Variants in IL22RA2 observed in about 807,000 individuals in gnomAD.
The protein encoded by IL22RA2 is interleukin 22 receptor subunit alpha 2.
Under a neutral mutation model 30.7 loss-of-function variants are expected in IL22RA2, and 39 were observed. The observed-to-expected ratio is 1.27, with a 90% CI of 0.98 to 1.66. The LOEUF is 1.66. Ranked by LOEUF, IL22RA2 falls within the 40% of genes most tolerant of loss-of-function variation. The pLI, the probability that IL22RA2 is intolerant of heterozygous loss-of-function variation, is 0.00. For synonymous variants in IL22RA2, 103 were observed against 105.0 expected (o/e 0.98, Z 0.11); for missense variants, 315 against 312.7 (o/e 1.01, Z -0.05).
chr6:137,146,001 G>C (rs1213920139), intron 6 of IL22RA2, among the ~76,000 whole-genome samples: 1 of 152,162 alleles, frequency 6.6e-6, no homozygotes, highest in East Asian at 1.9e-4. Context: ...CTGTTGGCTG[G>C]TTGACCCCAT....
chr6:137,155,216 A>T (rs1778379100), intron 4 of IL22RA2, 97 bp from the exon 5 acceptor site: 12 of 849,268 alleles, frequency 1.4e-5, no homozygotes, highest in Non-Finnish European at 1.8e-5. Context: ...TGATTCTAGT[A>T]GCAATACCAC....
At chr6:137,157,385 T>C (rs937599634) in intron 3 of IL22RA2, among the ~76,000 whole-genome samples, 11 of 152,154 alleles carry the variant, frequency 7.2e-5, no homozygotes, top group African/African-American at 2.7e-4. Context: ...GGAGAAACCT[T>C]CATTGTAAAG....
intron 5 of IL22RA2, among the ~76,000 whole-genome samples, chr6:137,149,469 G>A (rs1778243793): frequency 6.6e-6 from 1 of 152,112 alleles, no homozygotes; most frequent in Non-Finnish European, 1.5e-5. Context: ...GAAACTTAGA[G>A]GTCATCTTTG....
intron 5 of IL22RA2, among the ~76,000 whole-genome samples, chr6:137,150,333 A>G (rs993521602): frequency 6.6e-6 from 1 of 152,138 alleles, no homozygotes; most frequent in African/African-American, 2.4e-5. Context: ...GTGAGGAGGC[A>G]GCTGAGTGGG....
intron 2 of IL22RA2, among the ~76,000 whole-genome samples, chr6:137,160,824 A>G (rs1224057357): frequency 1.3e-5 from 2 of 152,334 alleles, no homozygotes; most frequent in East Asian, 1.9e-4. Context: ...TTTTGGTAGC[A>G]TTTGAATTCC....
At chr6:137,168,567 G>A (rs569264623) in intron 1 of IL22RA2, among the ~76,000 whole-genome samples, 1 of 152,288 alleles carries the variant, frequency 6.6e-6, no homozygotes, top group Non-Finnish European at 1.5e-5. Context: ...CATAATAGGA[G>A]AGTCCGAAAA....
intron 1 of IL22RA2, among the ~76,000 whole-genome samples, chr6:137,166,184 T>C (rs1042553829): frequency 1.3e-5 from 2 of 152,240 alleles, no homozygotes; most frequent in African/African-American, 4.8e-5. Context: ...GGATATGCAG[T>C]GGTAACACTG....
intron 2 of IL22RA2, 81 bp downstream of exon 2, chr6:137,161,608 C>G: frequency 8.6e-7 from 1 of 1,160,892 alleles, no homozygotes; most frequent in Non-Finnish European, 1.3e-6. Context: ...TTCAAAAAAG[C>G]ACCAGTGCCA....
chr6:137,163,926 C>A (rs1475483554), intron 1 of IL22RA2, among the ~76,000 whole-genome samples: 1 of 152,098 alleles, frequency 6.6e-6, no homozygotes, highest in East Asian at 1.9e-4. Context: ...TGGGAAAAAC[C>A]AGACCTAGGA....
chr6:137,151,541 A>G (rs1292582884), intron 5 of IL22RA2, among the ~76,000 whole-genome samples: 17 of 152,256 alleles, frequency 1.1e-4, no homozygotes, highest in Admixed American at 5.2e-4. Context: ...AAGCAACAAA[A>G]GAAGAAATAA....
At chr6:137,157,571 G>T (rs912706019) in intron 3 of IL22RA2, among the ~76,000 whole-genome samples, 1 of 152,030 alleles carries the variant, frequency 6.6e-6, no homozygotes, top group Non-Finnish European at 1.5e-5. Flanking sequence ...TTGCTACTTT[G>T]GCCATAGCTG....
In IL22RA2 at chr6:137,145,373, T is replaced by C. The variant is rs1778156500; in HGVS notation, c.*251A>G. 1.2e-5 allele frequency: 4 copies of C among 331,744 alleles called. No individual in the cohort carries two copies. The East Asian group carries it at 2.4e-4, about 20-fold the overall frequency. 20.6% of individuals were successfully genotyped at this position (331,744 alleles called of 1,614,324 possible). On this transcript the variant is annotated 3_prime_UTR_variant, in exon 7 of 7. Coordinates refer to ENST00000296980, the MANE Select transcript of IL22RA2 (RefSeq NM_052962.3). ...ACATTCAGAAATAAAGTTCTGAATT[T>C]CATAGAACACTTTATTCTCTGCCTC...
intron 3 of IL22RA2, among the ~76,000 whole-genome samples, chr6:137,157,874 T>C (rs778415647): frequency 2.6e-5 from 4 of 152,202 alleles, no homozygotes; most frequent in Non-Finnish European, 5.9e-5. Context: ...CGAGAGTCAT[T>C]AGTTTTTGAA....
intron 5 of IL22RA2, among the ~76,000 whole-genome samples, chr6:137,152,404 C>T (rs1778308966): frequency 6.6e-6 from 1 of 152,086 alleles, no homozygotes; most frequent in Non-Finnish European, 1.5e-5. Context: ...GAATGAAGTA[C>T]TGATACATAC....
At position 137,162,650 on chromosome 6, in the gene IL22RA2, A is replaced by G. The variant is rs28385764; in HGVS notation, c.-65-836T>C. On this transcript the variant is annotated intron_variant, in intron 1 of 6. Transcript: ENST00000296980. ...CCATTTTTTTTTACTACACGTGTTT[A>G]GAGATACTAAAATTATACATGAAAG... Among the ~76,000 whole-genome samples, 79 of 152,290 alleles carry G rather than the reference A, an allele frequency of 5.2e-4. 1 individual carries two copies. Among genetic ancestry groups the G allele is most frequent in the African/African-American group, 1.9e-3 (78 of 41,562 alleles).
chr6:137,173,072 A>G (rs867084802), intron 1 of IL22RA2, among the ~76,000 whole-genome samples: 24 of 152,180 alleles, frequency 1.6e-4, no homozygotes, highest in Non-Finnish European at 1.6e-4. Context: ...AGATTTTTAA[A>G]GTTTATCTAC....
intron 1 of IL22RA2, among the ~76,000 whole-genome samples, chr6:137,170,440 A>G (rs1293898912): frequency 1.3e-5 from 2 of 152,130 alleles, no homozygotes; most frequent in Non-Finnish European, 2.9e-5. Context: ...ACATTCCTCA[A>G]AGTTTATTAC....
intron 4 of IL22RA2, among the ~76,000 whole-genome samples, chr6:137,156,545 C>T (rs185577291): frequency 2.4e-4 from 37 of 152,126 alleles, no homozygotes; most frequent in African/African-American, 8.0e-4. Context: ...CTATTCTAAA[C>T]GCAAGGGATA....
At chr6:137,157,850 T>C (rs931662818) in intron 3 of IL22RA2, among the ~76,000 whole-genome samples, 2 of 152,158 alleles carry the variant, frequency 1.3e-5, no homozygotes, top group African/African-American at 4.8e-5. Context: ...TGTTCCAGTT[T>C]GTGTTCATGC....
Sources: gnomAD v4.1 joint callset for allele counts (sites outside exome capture counted in the v4.1 genomes callset) on GRCh38, gnomAD v4.1.1 for gene constraint, MANE v1.5 for transcripts, NCBI Gene and HGNC (gene_info 2026-07-23, HGNC 2026-07-21) for gene names.